Variants in SNX18 observed in about 807,000 individuals in gnomAD.
SNX18 encodes the protein sorting nexin 18, also known as sorting nexin-18.
A neutral mutation model predicts 48.7 loss-of-function variants in SNX18; 35 were observed. The ratio of observed to expected loss-of-function variants is 0.72; its 90% CI spans 0.55 to 0.95. The LOEUF is 0.95. Among genes scored for constraint, SNX18 ranks in the 40% least tolerant of loss-of-function variants. The pLI is 0.00. For synonymous variants in SNX18, 492 were observed against 384.7 expected, an observed-to-expected ratio of 1.28 and a Z score of -3.26; for missense variants, 824 against 871.0, an observed-to-expected ratio of 0.95 and a Z score of 0.68.
the SNX18 span, among the ~76,000 whole-genome samples, chr5:54,613,392 A>G: frequency 6.6e-6 from 1 of 152,240 alleles, no homozygotes; most frequent in East Asian, 1.9e-4. Context: ...GATCACGCAC[A>G]TGAGAGAAAG....
chr5:54,523,038 TTTTA>T (rs1232734143), intron 1 of SNX18, among the ~76,000 whole-genome samples: 1 of 152,178 alleles, frequency 6.6e-6, no homozygotes, highest in Non-Finnish European at 1.5e-5. Flanking sequence ...TCTATTGGAA[TTTTA>T]TTTGTGTTTT....
chr5:54,560,154 C>T, the SNX18 span, among the ~76,000 whole-genome samples: 1 of 152,208 alleles, frequency 6.6e-6, no homozygotes, highest in African/African-American at 2.4e-5. Context: ...GTAAGTCATT[C>T]TATCATAAAG....
At chr5:54,567,512 G>A in the SNX18 span, among the ~76,000 whole-genome samples, 1 of 152,262 alleles carries the variant, frequency 6.6e-6, no homozygotes, top group Non-Finnish European at 1.5e-5. Flanking sequence ...GAAGTTTGGG[G>A]CCTGGGAATC....
At chr5:54,567,648 C>A in the SNX18 span, among the ~76,000 whole-genome samples, 1 of 152,220 alleles carries the variant, frequency 6.6e-6, no homozygotes, top group South Asian at 2.1e-4. Flanking sequence ...AATCCAGAAC[C>A]ACCTAAGTCA....
the SNX18 span, among the ~76,000 whole-genome samples, chr5:54,576,483 C>T: frequency 2.6e-5 from 4 of 152,200 alleles, no homozygotes; most frequent in Non-Finnish European, 5.9e-5. Context: ...ATCTGAAGTA[C>T]ATAGTTGGGT....
At chr5:54,585,874 G>T in the SNX18 span, among the ~76,000 whole-genome samples, 1 of 152,006 alleles carries the variant, frequency 6.6e-6, no homozygotes, top group Non-Finnish European at 1.5e-5. Context: ...ACATGGTGGC[G>T]GGTGCCTGTA....
the SNX18 span, among the ~76,000 whole-genome samples, chr5:54,553,582 C>G: frequency 6.6e-6 from 1 of 152,212 alleles, no homozygotes; most frequent in Admixed American, 6.5e-5. Flanking sequence ...CTATTAAGTA[C>G]TATTTTATGA....
At position 54,543,286 on chromosome 5, in the gene SNX18, A is replaced by G; in HGVS notation, c.1729A>G (p.Thr577Ala). Residue 577 changes from threonine to alanine, a missense_variant, in exon 2 of 2, where the codon ACT (threonine) becomes GCT (alanine). Thr to Ala is a moderately conservative substitution (Grantham distance 58). Coordinates refer to ENST00000381410, the MANE Select transcript of SNX18 (RefSeq NM_001102575.2). Reference sequence around the variant, plus strand: ...TCGCTGTAACACTATTTCTTTTGCCACTTTGGCTGAAATTCACCACTTCCA... The same window carrying G: ...TCGCTGTAACACTATTTCTTTTGCCGCTTTGGCTGAAATTCACCACTTCCA... ...QDRCNTISFA[T>A]LAEIHHFHQI... is the part of the protein sequence containing the mutation. The G allele has an allele frequency of 6.2e-7, 1 of 1,614,220 alleles. No individual in the cohort carries two copies. Among genetic ancestry groups the G allele is most frequent in the Non-Finnish European group, 8.5e-7 (1 of 1,180,044 alleles).
At chr5:54,532,888 A>G (rs1477403097) in intron 1 of SNX18, among the ~76,000 whole-genome samples, 1 of 152,220 alleles carries the variant, frequency 6.6e-6, no homozygotes. Flanking sequence ...TAAAATAATC[A>G]TCTTTTAAGG....
At chr5:54,600,282 C>T in the SNX18 span, among the ~76,000 whole-genome samples, 3,112 of 152,150 alleles carry the variant, frequency 0.02, 47 homozygotes, top group Non-Finnish European at 0.033. Flanking sequence ...AATGAGATAC[C>T]GTCTCATGCC....
chr5:54,533,490 CG>C (rs1561118780), intron 1 of SNX18, among the ~76,000 whole-genome samples: 1 of 152,114 alleles, frequency 6.6e-6, no homozygotes, highest in Non-Finnish European at 1.5e-5. Context: ...GCTTTGAGGC[CG>C]ATCTATGGGG....
chr5:54,540,751 C>T (rs1309246138), intron 1 of SNX18, among the ~76,000 whole-genome samples: 1 of 152,122 alleles, frequency 6.6e-6, no homozygotes, highest in African/African-American at 2.4e-5. Context: ...AGAATATTAC[C>T]AGTGCAGGCA....
intron 1 of SNX18, 34 bp downstream of exon 1, chr5:54,519,607 G>A: frequency 6.2e-7 from 1 of 1,614,206 alleles, no homozygotes; most frequent in Non-Finnish European, 8.5e-7. Flanking sequence ...GTGATATGGA[G>A]TGTATTGTGC....
At chr5:54,531,965 T>C (rs1035569004) in intron 1 of SNX18, among the ~76,000 whole-genome samples, 8 of 152,226 alleles carry the variant, frequency 5.3e-5, no homozygotes, top group Admixed American at 2.0e-4. Flanking sequence ...GATATTCTGC[T>C]AACTCCAGCA....
At chr5:54,548,156 G>A (rs1291726133), downstream of SNX18, among the ~76,000 whole-genome samples, 1 of 152,180 alleles carries the variant, frequency 6.6e-6, no homozygotes, top group African/African-American at 2.4e-5. Context: ...ACATCCCTGT[G>A]TCAGAGCTTC....
chr5:54,591,332 A>G, the SNX18 span, among the ~76,000 whole-genome samples: 1,917 of 152,242 alleles, frequency 0.013, 31 homozygotes, highest in Non-Finnish European at 0.02. Flanking sequence ...GGCCTGCTGT[A>G]CATCTCCTGG....
the SNX18 span, among the ~76,000 whole-genome samples, chr5:54,619,023 G>A: frequency 6.6e-6 from 1 of 152,122 alleles, no homozygotes; most frequent in South Asian, 2.1e-4. Context: ...CATGGTGTAG[G>A]TAGTAATATT....
At chr5:54,595,157 T>A in the SNX18 span, among the ~76,000 whole-genome samples, 1 of 152,234 alleles carries the variant, frequency 6.6e-6, no homozygotes, top group Non-Finnish European at 1.5e-5. Flanking sequence ...CTTTTTTGAT[T>A]AAACAATTTG....
chr5:54,529,823 T>A (rs1167719014), intron 1 of SNX18, among the ~76,000 whole-genome samples: 1 of 152,230 alleles, frequency 6.6e-6, no homozygotes, highest in Non-Finnish European at 1.5e-5. Flanking sequence ...AGTAACTATG[T>A]TATTAATACA....
Sources: gnomAD v4.1 joint callset for allele counts (sites outside exome capture counted in the v4.1 genomes callset) on GRCh38, gnomAD v4.1.1 for gene constraint, MANE v1.5 for transcripts, NCBI Gene and HGNC (gene_info 2026-07-23, HGNC 2026-07-21) for gene names.